The following PLCB1 variants were observed in gnomAD, a reference collection of about 807,000 sequenced individuals.
The protein encoded by PLCB1 is phospholipase C beta 1.
A neutral mutation model predicts 161.8 loss-of-function variants in PLCB1; 46 were observed. The observed-to-expected ratio is 0.28, with a 90% CI of 0.22 to 0.36. PLCB1 has a LOEUF of 0.36. Among genes scored for constraint, PLCB1 ranks in the 10% least tolerant of loss-of-function variants. The pLI is 1.00. For missense variants in PLCB1, 1,016 were observed against 1,472.5 expected (o/e 0.69, Z 5.07); for synonymous variants, 517 against 503.7 (o/e 1.03, Z -0.35).
intron 24 of PLCB1, among the ~76,000 whole-genome samples, chr20:8,758,957 T>C (rs80350378): frequency 0.011 from 1,656 of 152,356 alleles, 18 homozygotes; most frequent in African/African-American, 0.037. Context: ...TGACCTAAAC[T>C]GCACAATTTA....
chr20:8,294,850 A>C (rs1461589979), intron 2 of PLCB1, among the ~76,000 whole-genome samples: 1 of 151,984 alleles, frequency 6.6e-6, no homozygotes, highest in Non-Finnish European at 1.5e-5. Flanking sequence ...TGATGATAGT[A>C]ATATGTTAAT....
intron 2 of PLCB1, among the ~76,000 whole-genome samples, chr20:8,284,416 T>C (rs1385917560): frequency 6.6e-6 from 1 of 152,126 alleles, no homozygotes; most frequent in Non-Finnish European, 1.5e-5. Flanking sequence ...ACATAACGTG[T>C]AAGAGTGGCC....
chr20:8,173,154 C>A (rs903741662), intron 2 of PLCB1, among the ~76,000 whole-genome samples: 2 of 152,188 alleles, frequency 1.3e-5, no homozygotes, highest in African/African-American at 2.4e-5. Context: ...ATGCCCATGA[C>A]AACAAGCAGC....
At chr20:8,398,307 CATA>C (rs1166872986) in intron 3 of PLCB1, among the ~76,000 whole-genome samples, 2 of 152,142 alleles carry the variant, frequency 1.3e-5, no homozygotes, top group African/African-American at 4.8e-5. Flanking sequence ...TTTAATATGT[CATA>C]ATATATGTCT....
chr20:8,788,065 C>T (rs973985377), intron 27 of PLCB1, among the ~76,000 whole-genome samples: 3 of 152,138 alleles, frequency 2.0e-5, no homozygotes, highest in African/African-American at 7.2e-5. Context: ...CAGTGATCAA[C>T]TGAGAAAATG....
rs781293608 is a variant in PLCB1, at chr20:8,628,298, C to T, written c.251C>T (p.Pro84Leu). The change falls in exon 4 of 32, where the codon CCC becomes CTC. Residue 84 changes from proline to leucine, a missense_variant. Around this residue, in one of 10 missense-constraint regions of PLCB1, gnomAD observed 181 missense variants for 236.7 expected, o/e 0.76. Coordinates refer to ENST00000338037, the MANE Select transcript of PLCB1 (RefSeq NM_015192.4). ...TTTTCAATATTTATTACCCAGGACC[C>T]CAAATTACGTGAACTTTTGGATGTG... ...CGRHAKAPKDPKLRELLDVGN... is the reference protein window; with the variant it reads ...CGRHAKAPKDLKLRELLDVGN... 1.2e-6 allele frequency: 2 copies of T among 1,613,318 alleles called. No individual in the cohort carries two copies. The highest frequency in any genetic ancestry group is 8.5e-7 in the Non-Finnish European group (1 of 1,179,288).
At chr20:8,733,143 CA>C (rs1980361945) in intron 18 of PLCB1, 94 bp from the exon 19 acceptor site, 1 of 1,287,138 alleles carries the variant, frequency 7.8e-7, no homozygotes, top group Non-Finnish European at 1.1e-6. Context: ...AATACAGTCA[CA>C]AAAGTGGACT....
At chr20:8,284,493 C>G (rs907474285) in intron 2 of PLCB1, among the ~76,000 whole-genome samples, 1 of 152,064 alleles carries the variant, frequency 6.6e-6, no homozygotes, top group Non-Finnish European at 1.5e-5. Context: ...ATCCCAGAGC[C>G]TTGGGAGGCT....
chr20:8,638,881 T>TCCGGAC (rs11474152), intron 4 of PLCB1, among the ~76,000 whole-genome samples: 1 of 151,640 alleles, frequency 6.6e-6, no homozygotes, highest in East Asian at 1.9e-4. Flanking sequence ...TGATTCTGTC[T>TCCGGAC]TTGCATTTGG....
At chr20:8,350,383 G>C (rs1461883134) in intron 2 of PLCB1, among the ~76,000 whole-genome samples, 4 of 152,082 alleles carry the variant, frequency 2.6e-5, no homozygotes, top group Non-Finnish European at 5.9e-5. Flanking sequence ...GAGGATAAAA[G>C]CTCCATCTCC....
chr20:8,425,391 C>T (rs1489801885), intron 3 of PLCB1, among the ~76,000 whole-genome samples: 2 of 152,104 alleles, frequency 1.3e-5, no homozygotes, highest in African/African-American at 4.8e-5. Context: ...GGTTCCCTGC[C>T]TCCAGGCCCT....
At chr20:8,510,448 C>T (rs1187621222) in intron 3 of PLCB1, among the ~76,000 whole-genome samples, 1 of 146,882 alleles carries the variant, frequency 6.8e-6, no homozygotes, top group African/African-American at 2.5e-5. Flanking sequence ...TGCAGTGGCG[C>T]GATCTTGGCT....
intron 3 of PLCB1, among the ~76,000 whole-genome samples, chr20:8,488,918 T>C (rs1423303504): frequency 6.6e-6 from 1 of 152,212 alleles, no homozygotes; most frequent in Non-Finnish European, 1.5e-5. Context: ...TGATAGCTTA[T>C]TTTATGAAAA....
intron 3 of PLCB1, among the ~76,000 whole-genome samples, chr20:8,517,824 C>T (rs6055877): frequency 0.22 from 33,094 of 152,072 alleles, 3,783 homozygotes; most frequent in African/African-American, 0.28. Flanking sequence ...TATGTTTATC[C>T]TACACCAGGT....
At chr20:8,528,901 A>C (rs760596265) in intron 3 of PLCB1, among the ~76,000 whole-genome samples, 3 of 152,068 alleles carry the variant, frequency 2.0e-5, no homozygotes, top group Non-Finnish European at 4.4e-5. Context: ...AAAGAGCATC[A>C]GATATGAAGT....
At chr20:8,859,017 T>C (rs867338214) in intron 31 of PLCB1, among the ~76,000 whole-genome samples, 2 of 151,972 alleles carry the variant, frequency 1.3e-5, no homozygotes. Flanking sequence ...ATCTCTCAGA[T>C]TGCCACCTGG....
chr20:8,725,080 C>T (rs1979861939), intron 16 of PLCB1, among the ~76,000 whole-genome samples: 2 of 152,114 alleles, frequency 1.3e-5, no homozygotes, highest in South Asian at 4.1e-4. Context: ...GTTCGCAACA[C>T]ACAGTGAGAT....
chr20:8,267,036 TA>T (rs376821037), intron 2 of PLCB1, among the ~76,000 whole-genome samples: 1,470 of 125,774 alleles, frequency 0.012, 1 homozygote, highest in African/African-American at 0.021. Flanking sequence ...AGACTTCGTC[TA>T]AAAAAAAAAA....
chr20:8,266,183 A>G (rs1305793093), intron 2 of PLCB1, among the ~76,000 whole-genome samples: 1 of 152,172 alleles, frequency 6.6e-6, no homozygotes, highest in Non-Finnish European at 1.5e-5. Flanking sequence ...TACAACACTT[A>G]CTTGTAGTTT....
Sources: allele counts gnomAD v4.1 joint callset (sites outside exome capture counted in the v4.1 genomes callset), GRCh38; gene constraint gnomAD v4.1.1; regional missense constraint gnomAD v4.1.1; transcripts MANE v1.5; gene names NCBI Gene and HGNC (gene_info 2026-07-23, HGNC 2026-07-21).